Variants in CAPN8 observed in about 807,000 individuals in gnomAD.
CAPN8 encodes calpain-8.
Under a neutral mutation model 80.9 loss-of-function variants are expected in CAPN8, and 87 were observed. The ratio of observed to expected loss-of-function variants is 1.07; its 90% CI spans 0.90 to 1.28. The LOEUF is 1.28. Among genes scored for constraint, CAPN8 ranks in the 50% most tolerant of loss-of-function variants. The probability of loss-of-function intolerance (pLI) is 0.00; values close to 1 mark genes in which losing one functional copy is unlikely to be tolerated. For missense variants in CAPN8, 757 were observed against 702.0 expected, an observed-to-expected ratio of 1.08 and a Z score of -0.89; for synonymous variants, 299 against 273.8, an observed-to-expected ratio of 1.09 and a Z score of -0.91.
intron 18 of CAPN8, among the ~76,000 whole-genome samples, chr1:223,544,433 T>C (rs925121567): frequency 2.0e-5 from 3 of 152,114 alleles, no homozygotes; most frequent in Non-Finnish European, 4.4e-5. Flanking sequence ...AACTCAGCCA[T>C]GGGTCACATC....
At chr1:223,615,825 A>G in intron 10 of CAPN8, 145 bp downstream of exon 10, 1 of 964,890 alleles carries the variant, frequency 1.0e-6, no homozygotes, top group South Asian at 1.4e-5. Flanking sequence ...CAGTAAGGCC[A>G]CTGGGAGAGG....
chr1:223,658,035 C>T (rs114492708), intron 1 of CAPN8, among the ~76,000 whole-genome samples: 74 of 152,234 alleles, frequency 4.9e-4, no homozygotes, highest in African/African-American at 1.7e-3. Context: ...GTGCTTACCC[C>T]TAAGTATCAA....
At chr1:223,641,141 C>T (rs1658029570) in intron 2 of CAPN8, among the ~76,000 whole-genome samples, 1 of 152,108 alleles carries the variant, frequency 6.6e-6, no homozygotes, top group Non-Finnish European at 1.5e-5. Context: ...ATGATTCTTC[C>T]TCAAAACTCA....
At chr1:223,550,067 A>C (rs984321027) in intron 15 of CAPN8, among the ~76,000 whole-genome samples, 7 of 152,118 alleles carry the variant, frequency 4.6e-5, no homozygotes, top group Non-Finnish European at 1.0e-4. Context: ...TTCCTTACTA[A>C]ATTGCAGGCA....
intron 2 of CAPN8, chr1:223,642,544 G>A (rs936562281): frequency 6.8e-5 from 20 of 294,722 alleles, no homozygotes; most frequent in Admixed American, 2.3e-4. Flanking sequence ...GCATTTGGCC[G>A]AGGACTATTC....
intron 1 of CAPN8, among the ~76,000 whole-genome samples, chr1:223,655,345 T>A (rs1395851273): frequency 1.3e-5 from 2 of 152,206 alleles, no homozygotes; most frequent in African/African-American, 2.4e-5. Context: ...TCAACTGGCA[T>A]CTGCCTACAG....
chr1:223,619,697 G>A (rs962647607), intron 8 of CAPN8, among the ~76,000 whole-genome samples: 1 of 152,212 alleles, frequency 6.6e-6, no homozygotes, highest in African/African-American at 2.4e-5. Flanking sequence ...CAAAGGATCT[G>A]AACTGTAAAC....
intron 14 of CAPN8, among the ~76,000 whole-genome samples, chr1:223,552,096 C>T (rs1051166605): frequency 2.0e-5 from 3 of 152,174 alleles, no homozygotes; most frequent in African/African-American, 7.2e-5. Flanking sequence ...CTCAACTCAG[C>T]CCCTTATTCA....
intron 8 of CAPN8, among the ~76,000 whole-genome samples, chr1:223,619,777 A>C (rs1358590812): frequency 6.6e-6 from 1 of 152,216 alleles, no homozygotes; most frequent in Non-Finnish European, 1.5e-5. Context: ...TAAGCTCACA[A>C]GAGGTTTCTT....
intron 9 of CAPN8, 79 bp from the exon 10 acceptor site, chr1:223,616,224 C>T (rs925894506): frequency 1.8e-5 from 25 of 1,422,216 alleles, no homozygotes; most frequent in East Asian, 5.0e-5. Context: ...AGGGAAGAAA[C>T]TTGATCATCC....
Position 223,623,255 on chromosome 1 carries a change from G to A in CAPN8, c.814-355C>T, listed in dbSNP as rs550770235. On this transcript the variant is annotated intron_variant, in intron 6 of 20. Coordinates refer to ENST00000366872, the MANE Select transcript of CAPN8 (RefSeq NM_001143962.2). ...GCCCTCCAAACAAACACCAAAGCAC[G>A]GCAGTTAACATTTATCGAGCAGGTA... Among the ~76,000 whole-genome samples, 4 of 152,250 alleles carry A rather than the reference G, an allele frequency of 2.6e-5. No homozygotes were observed. In the South Asian group the frequency reaches 8.3e-4, roughly 32 times the overall value.
In CAPN8 at chr1:223,558,123, T is replaced by C. The variant is rs1298474581; in HGVS notation, c.1572+8A>G. ...TGTCAGAGTTTGGCATACAAAAAGA[T>C]TGCATACCTCATATGGGTTTCCAGC... On this transcript the variant is annotated splice_region_variant and intron_variant, in intron 13 of 20. Coordinates refer to ENST00000366872, the MANE Select transcript of CAPN8 (RefSeq NM_001143962.2). 1.0e-5 allele frequency: 4 copies of C among 398,460 alleles called. No individual in the cohort carries two copies. The highest frequency in any genetic ancestry group is 1.3e-5 in the Non-Finnish European group (3 of 226,040). The allele number at this position is 398,460 out of a possible 1,614,324, so 24.7% of individuals were successfully genotyped here.
chr1:223,545,414 T>C, intron 16 of CAPN8, 115 bp from the exon 17 acceptor site: 1 of 1,485,994 alleles, frequency 6.7e-7, no homozygotes, highest in Middle Eastern at 1.7e-4. Context: ...TCCATGTCTG[T>C]GGCAAGCAGA....
chr1:223,544,772 C>T lies in CAPN8; in HGVS notation c.1912G>A (p.Gly638Ser), dbSNP rs1656572747. 1 of 1,551,606 alleles carries T rather than the reference C, an allele frequency of 6.4e-7. No individual in the cohort carries two copies. The highest frequency in any genetic ancestry group is 1.4e-5 in the African/African-American group (1 of 73,040). The change falls in exon 18 of 21, where the codon GGT (glycine) becomes AGT (serine). Residue 638 changes from glycine to serine, a missense_variant and splice_region_variant. Coordinates refer to ENST00000366872, the MANE Select transcript of CAPN8 (RefSeq NM_001143962.2). ...CCCTGTCTACAGGATGTGTCCTCAC[C>T]TGCCTTCCTGAGGGCTGTCCTCATC... ...HEMRTALRKA[G>S]FTLNSQVQQT...
chr1:223,638,375 GTGTA>G (rs1382444441), intron 2 of CAPN8, among the ~76,000 whole-genome samples: 8 of 152,000 alleles, frequency 5.3e-5, no homozygotes, highest in East Asian at 1.9e-4. Flanking sequence ...GTGTGTGTGT[GTGTA>G]TGTGGTCTCC....
At chr1:223,618,339 C>G in intron 9 of CAPN8, 1 of 1,547,816 alleles carries the variant, frequency 6.5e-7, no homozygotes, top group Non-Finnish European at 8.7e-7. Flanking sequence ...CACCTTGCAC[C>G]AGGTGAGGAC....
At chr1:223,547,904 T>C (rs1370864316) in intron 16 of CAPN8, among the ~76,000 whole-genome samples, 2 of 152,282 alleles carry the variant, frequency 1.3e-5, no homozygotes, top group Middle Eastern at 3.4e-3. Context: ...TACTTAACAG[T>C]TCCTTGCAGT....
chr1:223,624,641 G>A (rs1324539798), intron 6 of CAPN8, among the ~76,000 whole-genome samples: 2 of 152,036 alleles, frequency 1.3e-5, no homozygotes, highest in Non-Finnish European at 2.9e-5. Flanking sequence ...TTGAGCCCAG[G>A]AGGTTGAGGC....
intron 16 of CAPN8, among the ~76,000 whole-genome samples, chr1:223,547,209 G>A (rs938458932): frequency 6.8e-4 from 104 of 152,204 alleles, no homozygotes; most frequent in African/African-American, 2.4e-3. Flanking sequence ...CCTGCGCCCC[G>A]TCAATTTTTA....
Sources: allele counts gnomAD v4.1 joint callset (sites outside exome capture counted in the v4.1 genomes callset), GRCh38; gene constraint gnomAD v4.1.1; transcripts MANE v1.5; gene names NCBI Gene and HGNC (gene_info 2026-07-23, HGNC 2026-07-21).